PCDHGB6: variants seen among roughly 807,000 people sequenced by gnomAD.
PCDHGB6 encodes protocadherin gamma-B6.
In PCDHGB6, 51 loss-of-function variants were observed where a neutral mutation model predicts 59.1. The observed-to-expected ratio is 0.86, with a 90% CI of 0.69 to 1.09. PCDHGB6 has a LOEUF of 1.09. Ranked by LOEUF, PCDHGB6 falls within the 50% of genes least tolerant of loss-of-function variation. The pLI is 0.00. For missense variants in PCDHGB6, 1,148 were observed against 1,205.1 expected, an observed-to-expected ratio of 0.95 and a Z score of 0.70; for synonymous variants, 466 against 495.1, an observed-to-expected ratio of 0.94 and a Z score of 0.78.
chr5:141,478,202 C>T, intron 1 of PCDHGB6: 1 of 1,614,074 alleles, frequency 6.2e-7, no homozygotes, highest in Non-Finnish European at 8.5e-7. Flanking sequence ...TTATCTACTT[C>T]TTTCTCTAAT....
intron 1 of PCDHGB6, among the ~76,000 whole-genome samples, chr5:141,449,561 C>T (rs777459619): frequency 2.7e-4 from 39 of 147,008 alleles, no homozygotes; most frequent in Non-Finnish European, 4.6e-4. Flanking sequence ...TGCACTCCAG[C>T]CTGGGCGACA....
intron 1 of PCDHGB6, among the ~76,000 whole-genome samples, chr5:141,461,233 G>T (rs2099011336): frequency 6.6e-6 from 1 of 152,028 alleles, no homozygotes; most frequent in East Asian, 1.9e-4. Context: ...CATAGAGGTT[G>T]TACTAATTTA....
At position 141,431,307 on chromosome 5, in the gene PCDHGB6, A is replaced by G. The variant is rs1332508283; in HGVS notation, c.2418+20687A>G. On this transcript the variant is annotated intron_variant, in intron 1 of 3. Transcript: ENST00000520790. This position sits in a 1 kb window ranked among gnomAD's most constrained non-coding sequence, Gnocchi z 4.8. ...AACACTCACTTCTCCCTCATCGTGC[A>G]AAATGGAGCCGACGGTAGTAAGTAC... 3.7e-6 allele frequency: 6 copies of G among 1,614,002 alleles called. No homozygotes were observed. The African/African-American group carries it at 4.0e-5, about 11-fold the overall frequency.
At chr5:141,467,055 C>CTTTTTTTTTTTT (rs1193465269) in intron 1 of PCDHGB6, among the ~76,000 whole-genome samples, 1 of 134,498 alleles carries the variant, frequency 7.4e-6, no homozygotes. Context: ...TCAATGTTTT[C>CTTTTTTTTTTTT]TTTTTTTTTT....
chr5:141,489,042 A>T lies in PCDHGB6; in HGVS notation c.2419-5765A>T. On this transcript the variant is annotated intron_variant, in intron 1 of 3. Coordinates refer to ENST00000520790, the MANE Select transcript of PCDHGB6 (RefSeq NM_018926.3). This position sits in a 1 kb window ranked among gnomAD's most constrained non-coding sequence, Gnocchi z 4.5. ...TCTCCTCCTCCAGCTCCCCAGCTCCACTCAAATTCAGCTCCCCTCCCCCCT... is the reference window on the plus strand; with the variant it reads ...TCTCCTCCTCCAGCTCCCCAGCTCCTCTCAAATTCAGCTCCCCTCCCCCCT... The T allele has an allele frequency of 4.2e-6, 2 of 473,800 alleles. No individual in the cohort carries two copies. The highest frequency in any genetic ancestry group is 3.7e-6 in the Non-Finnish European group (1 of 270,920). 29.3% of individuals were successfully genotyped at this position (473,800 alleles called of 1,614,324 possible).
intron 1 of PCDHGB6, chr5:141,421,164 A>G (rs1304650780): frequency 1.6e-6 from 2 of 1,286,298 alleles, no homozygotes; most frequent in African/African-American, 1.5e-5. Flanking sequence ...GACTTCATAG[A>G]TACATAAGCC....
intron 3 of PCDHGB6, among the ~76,000 whole-genome samples, chr5:141,505,999 G>A (rs891447053): frequency 1.3e-5 from 2 of 152,172 alleles, no homozygotes; most frequent in African/African-American, 4.8e-5. Flanking sequence ...TTTATGCGAG[G>A]CTCCTCTTTT....
intron 3 of PCDHGB6, 61 bp downstream of exon 3, chr5:141,505,542 A>C: frequency 2.6e-5 from 42 of 1,604,950 alleles, no homozygotes; most frequent in Non-Finnish European, 3.2e-5. Flanking sequence ...GGTGCATCTC[A>C]CAGCCACCAT....
At chr5:141,453,521 T>A (rs1311886024) in intron 1 of PCDHGB6, among the ~76,000 whole-genome samples, 2 of 152,148 alleles carry the variant, frequency 1.3e-5, no homozygotes, top group Non-Finnish European at 2.9e-5. Flanking sequence ...TCCTCCCCTA[T>A]ACCTTCTGCC....
chr5:141,498,065 G>C (rs1197771947), intron 2 of PCDHGB6, among the ~76,000 whole-genome samples: 1 of 152,220 alleles, frequency 6.6e-6, no homozygotes, highest in Non-Finnish European at 1.5e-5. Context: ...GACTGAAACT[G>C]TCATAAGTGC....
At position 141,491,098 on chromosome 5, in the gene PCDHGB6, C is replaced by A. The variant is rs1283499077; in HGVS notation, c.2419-3709C>A. ...ACAGTCCACAGCCCCAGGACTGTTC[C>A]TCGTGTCTACACACACTGGTGAGGT... On this transcript the variant is annotated intron_variant, in intron 1 of 3. Coordinates refer to ENST00000520790, the MANE Select transcript of PCDHGB6 (RefSeq NM_018926.3). This position sits in a 1 kb window ranked among gnomAD's most constrained non-coding sequence, Gnocchi z 6.9. 6.2e-7 allele frequency: 1 copy of A among 1,614,216 alleles called. No individual in the cohort carries two copies. Among genetic ancestry groups the A allele is most frequent in the Non-Finnish European group, 8.5e-7 (1 of 1,180,038 alleles).
At chr5:141,481,356 T>A (rs1214829594) in intron 1 of PCDHGB6, among the ~76,000 whole-genome samples, 1 of 152,260 alleles carries the variant, frequency 6.6e-6, no homozygotes, top group East Asian at 1.9e-4. Context: ...CATCTACAGC[T>A]GTTCAATAGA....
In PCDHGB6 at chr5:141,431,955, GA is replaced by G; in HGVS notation, c.2418+21338del. ...CCCTTTAAATTAGAAAAATCTTACG[GA>G]AATTACTATAGTTTAGTCACAGACA... On this transcript the variant is annotated intron_variant, in intron 1 of 3. Coordinates refer to ENST00000520790, the MANE Select transcript of PCDHGB6 (RefSeq NM_018926.3). The surrounding 1 kb of genome is among the most constrained non-coding windows in gnomAD (Gnocchi z 4.8). The G allele has an allele frequency of 6.2e-7, 1 of 1,614,142 alleles. No homozygotes were observed. Among genetic ancestry groups the G allele is most frequent in the Non-Finnish European group, 8.5e-7 (1 of 1,180,024 alleles).
At position 141,408,704 on chromosome 5, in the gene PCDHGB6, A is replaced by G; in HGVS notation, c.502A>G (p.Lys168Glu). ...TCCTGATATAAACATAAACTCAATT[A>G]AAGATTATAAGATAAACTCTAATCC... Reference protein sequence around the residue: ...TDPDININSIKDYKINSNPYF... With the variant: ...TDPDININSIEDYKINSNPYF... Residue 168 changes from lysine to glutamate, a missense_variant, in exon 1 of 4, where the codon AAA becomes GAA. Transcript: ENST00000520790. 1.2e-6 allele frequency: 2 copies of G among 1,613,236 alleles called. No homozygotes were observed. Among genetic ancestry groups the G allele is most frequent in the Non-Finnish European group, 1.7e-6 (2 of 1,179,420 alleles).
rs946434728 is a variant in PCDHGB6, at chr5:141,428,357, C to A, written c.2418+17737C>A. On this transcript the variant is annotated intron_variant, in intron 1 of 3. Coordinates refer to ENST00000520790, the MANE Select transcript of PCDHGB6 (RefSeq NM_018926.3). ...CTCTTCTTCCTCGCAGTGATTTTGG[C>A]GGTCGCCTTGCACCTGCGATGCTCT... is the stretch of plus-strand genomic sequence containing the variant. The A allele has an allele frequency of 1.2e-5, 7 of 565,506 alleles. No individual in the cohort carries two copies. The East Asian group carries it at 2.0e-4, about 16-fold the overall frequency. The allele number at this position is 565,506 out of a possible 1,614,324, so 35.0% of individuals were successfully genotyped here.
intron 1 of PCDHGB6, chr5:141,424,504 GT>G (rs892941709): frequency 6.6e-6 from 1 of 152,016 alleles, no homozygotes; most frequent in Non-Finnish European, 1.5e-5. Context: ...TGTATGGAAG[GT>G]TTTTTAATGT....
intron 1 of PCDHGB6, among the ~76,000 whole-genome samples, chr5:141,474,096 CAACAAA>C (rs1262341033): frequency 1.3e-5 from 2 of 152,078 alleles, no homozygotes; most frequent in African/African-American, 4.8e-5. Context: ...AAACAAACAA[CAACAAA>C]AACAACAACA....
chr5:141,502,785 A>G (rs576095718), intron 2 of PCDHGB6, among the ~76,000 whole-genome samples: 2 of 150,900 alleles, frequency 1.3e-5, no homozygotes, highest in East Asian at 3.9e-4. Context: ...AATTACCTGG[A>G]TGATTTCTTC....
chr5:141,490,421 C>T lies in PCDHGB6; in HGVS notation c.2419-4386C>T. On this transcript the variant is annotated intron_variant, in intron 1 of 3. Coordinates refer to ENST00000520790, the MANE Select transcript of PCDHGB6 (RefSeq NM_018926.3). The surrounding 1 kb of genome is among the most constrained non-coding windows in gnomAD (Gnocchi z 5.4). ...AGCCTTGATATCTCTCCGGACCTGCCATTTCAGATTAAGCCTTCTGAGAAC... is the reference window on the plus strand; with the variant it reads ...AGCCTTGATATCTCTCCGGACCTGCTATTTCAGATTAAGCCTTCTGAGAAC... 1 of 1,614,192 alleles carries T rather than the reference C, an allele frequency of 6.2e-7. No homozygotes were observed. The highest frequency in any genetic ancestry group is 8.5e-7 in the Non-Finnish European group (1 of 1,180,016).
Sources: gnomAD v4.1 joint callset for allele counts (sites outside exome capture counted in the v4.1 genomes callset) on GRCh38, gnomAD v4.1.1 for gene constraint, Gnocchi (gnomAD v3.1) non-coding constraint, MANE v1.5 for transcripts, NCBI Gene and HGNC (gene_info 2026-07-23, HGNC 2026-07-21) for gene names.